Variants in NBPF15 observed in about 807,000 individuals in gnomAD.
NBPF15 encodes the protein NBPF member 15.
In NBPF15, 74 loss-of-function variants were observed where a neutral mutation model predicts 62.2. The ratio of observed to expected loss-of-function variants is 1.19; its 90% confidence interval spans 0.99 to 1.44. The LOEUF (loss-of-function observed/expected upper bound fraction) is 1.44, where lower values mean the gene tolerates loss of function less well. NBPF15 is among the 40% of genes most tolerant of loss of function. The pLI is 0.00. For synonymous variants in NBPF15, 244 were observed against 209.7 expected (o/e 1.16, Z -1.41); for missense variants, 790 against 550.0 (o/e 1.44, Z -4.36).
intron 13 of NBPF15, among the ~76,000 whole-genome samples, chr1:144,432,125 C>T (rs1240911274): frequency 1.3e-5 from 2 of 152,020 alleles, no homozygotes; most frequent in African/African-American, 4.8e-5. Flanking sequence ...TAAAAGTGTT[C>T]CTATTTCTCC....
chr1:144,430,690 GC>G (rs1456953584), intron 13 of NBPF15, among the ~76,000 whole-genome samples: 1 of 150,544 alleles, frequency 6.6e-6, no homozygotes, highest in Non-Finnish European at 1.5e-5. Flanking sequence ...GCAGCTCCTC[GC>G]CAGCAATGGA....
intron 14 of NBPF15, 65 bp from the exon 15 acceptor site, chr1:144,428,722 C>T (rs1671865909): frequency 1.3e-6 from 1 of 747,374 alleles, no homozygotes. Flanking sequence ...AGAAACATTC[C>T]TCTGTCCAAT....
rs1298950713 is a variant in NBPF15 at position 144,439,949 on chromosome 1, C to A, written c.55G>T (p.Glu19Ter). ...TGGGGGCGCAATTTCTCATTGATTT[C>A]TAGAATGTTCATCTCTGCCTTCTCG... is the stretch of plus-strand genomic sequence containing the variant. ...SSEKAEMNIL[E>*]INEKLRPQLA... The change falls in exon 8 of 22, where the codon GAA becomes TAA. Residue 19 changes from glutamate to a stop codon, truncating the protein, a stop_gained. Transcript: ENST00000581897. LOFTEE classifies it high-confidence loss of function. 54 of 1,610,850 alleles carry A rather than the reference C, an allele frequency of 3.4e-5. No individual in the cohort carries two copies. The highest frequency in any genetic ancestry group is 4.5e-5 in the Non-Finnish European group (53 of 1,178,754).
At chr1:144,459,648 C>A (rs1157286227) in intron 2 of NBPF15, among the ~76,000 whole-genome samples, 165 bp from the exon 3 acceptor site, 1 of 151,730 alleles carries the variant, frequency 6.6e-6, no homozygotes, top group Admixed American at 6.6e-5. Context: ...AACAGAAAAA[C>A]AAGCATATCA....
At chr1:144,452,376 G>T (rs1691744239) in intron 4 of NBPF15, among the ~76,000 whole-genome samples, 1 of 151,866 alleles carries the variant, frequency 6.6e-6, no homozygotes, top group Non-Finnish European at 1.5e-5. Context: ...TCCCTAGAAT[G>T]CAATCTCTTC....
At chr1:144,445,178 T>G (rs1368085173) in intron 6 of NBPF15, among the ~76,000 whole-genome samples, 10 of 150,738 alleles carry the variant, frequency 6.6e-5, no homozygotes, top group Admixed American at 1.3e-4. Context: ...AAGTATCTAT[T>G]CAAGTCTTTT....
rs1172158112 is a variant in NBPF15, at chr1:144,427,101, G to A, written c.1214-3C>T. On this transcript the variant is annotated splice_region_variant and splice_polypyrimidine_tract_variant and intron_variant, in intron 16 of 21. Transcript: ENST00000581897. ...CACTTCTTGGTACTTTTCAATTTCT[G>A]CAATAAGTTCAGACATGGACAGACA... The A allele has an allele frequency of 1.1e-5, 6 of 568,924 alleles. 1 individual carries two copies. The East Asian group carries it at 1.7e-4, about 16-fold the overall frequency. The allele number at this position is 568,924 out of a possible 1,614,324, so 35.2% of individuals were successfully genotyped here. A position where few individuals can be genotyped will look rare whatever the true frequency, so the allele number is the denominator to read the frequency against.
chr1:144,428,802 T>A (rs1246429516), intron 14 of NBPF15, 145 bp from the exon 15 acceptor site: 2 of 611,198 alleles, frequency 3.3e-6, no homozygotes, highest in East Asian at 5.5e-5. Flanking sequence ...CCAGTAGGCC[T>A]GAGGTCAAGT....
At chr1:144,451,359 T>C (rs587641212) in intron 4 of NBPF15, among the ~76,000 whole-genome samples, 10 of 151,050 alleles carry the variant, frequency 6.6e-5, no homozygotes, top group South Asian at 2.1e-4. Context: ...TGCCCAGGGA[T>C]GAGCAGGAGA....
Position 144,448,432 on chromosome 1 carries a change from C to T in NBPF15, c.-191+343G>A, listed in dbSNP as rs587768943. 3.1e-3 allele frequency among the ~76,000 whole-genome samples: 465 copies of T among 152,082 alleles called. 4 individuals are homozygous for T. Among genetic ancestry groups the T allele is most frequent in the African/African-American group, 0.011 (445 of 41,480 alleles). ...AATTCTATGACTATCTGTTTCATGG[C>T]CACCTGTTTGCTCATTTTCTATGTA... On this transcript the variant is annotated intron_variant, in intron 6 of 21. Coordinates refer to ENST00000581897, the MANE Select transcript of NBPF15 (RefSeq NM_001385408.1).
chr1:144,429,441 C>T (rs1277240474), intron 14 of NBPF15, among the ~76,000 whole-genome samples: 2 of 151,298 alleles, frequency 1.3e-5, no homozygotes, highest in African/African-American at 2.4e-5. Flanking sequence ...GCCACACCTG[C>T]CTTGAGTTCA....
intron 18 of NBPF15, 150 bp downstream of exon 18, chr1:144,426,128 A>T (rs1321457952): frequency 4.2e-5 from 26 of 622,782 alleles, no homozygotes; most frequent in African/African-American, 4.1e-4. Context: ...TCCAACTGAG[A>T]CTACAGTTTC....
At chr1:144,434,677 A>G (rs1261985561) in intron 12 of NBPF15, among the ~76,000 whole-genome samples, 3 of 151,186 alleles carry the variant, frequency 2.0e-5, no homozygotes, top group African/African-American at 7.4e-5. Flanking sequence ...AAGCTGACTT[A>G]AAGGAGATCC....
intron 21 of NBPF15, among the ~76,000 whole-genome samples, chr1:144,423,639 C>T (rs1667388468): frequency 6.6e-6 from 1 of 151,952 alleles, no homozygotes; most frequent in Admixed American, 6.6e-5. Context: ...GATGCAGTGG[C>T]CATCAGAGTA....
chr1:144,455,883 T>C (rs1647236104), intron 4 of NBPF15, among the ~76,000 whole-genome samples: 1 of 151,918 alleles, frequency 6.6e-6, no homozygotes, highest in South Asian at 2.1e-4. Context: ...CCATGAATGC[T>C]CAGTGAAAGA....
intron 12 of NBPF15, among the ~76,000 whole-genome samples, chr1:144,434,904 C>G (rs1470971356): frequency 2.0e-5 from 3 of 151,988 alleles, no homozygotes. Flanking sequence ...GATTGTCACA[C>G]TTGCCTGGGG....
rs149024200 is a variant in NBPF15 at position 144,452,218 on chromosome 1, T to A, written c.-431-1348A>T. Among the ~76,000 whole-genome samples, 902 of 152,124 alleles carry A rather than the reference T, an allele frequency of 5.9e-3. 9 individuals carry two copies. The highest frequency in any genetic ancestry group is 0.021 in the African/African-American group (857 of 41,490). The stretch of plus-strand genomic sequence containing the variant: ...TCAAATATTATTATGTGAAAATGTA[T>A]CATCTCAATTTTAATAGTAGATTTT... On this transcript the variant is annotated intron_variant, in intron 4 of 21. Transcript: ENST00000581897.
intron 6 of NBPF15, among the ~76,000 whole-genome samples, chr1:144,444,280 AAAG>A (rs1315065384): frequency 6.0e-5 from 9 of 149,722 alleles, no homozygotes; most frequent in Admixed American, 5.9e-4. Context: ...AAAAAAAAAA[AAAG>A]AAGCCAGTGC....
chr1:144,429,279 G>T lies in NBPF15; in HGVS notation c.988+421C>A, dbSNP rs1297935134. On this transcript the variant is annotated intron_variant, in intron 14 of 21. Coordinates refer to ENST00000581897, the MANE Select transcript of NBPF15 (RefSeq NM_001385408.1). ...CTTTCACTGAGAAGTAGACAAGGGT[G>T]ACACTGGCCTTGGGCAGGTAAAGAA... 4.0e-5 allele frequency among the ~76,000 whole-genome samples: 6 copies of T among 148,992 alleles called. 1 individual carries two copies. The highest frequency in any genetic ancestry group is 1.6e-4 in the African/African-American group (6 of 38,504).
Sources: gnomAD v4.1 joint callset for allele counts (sites outside exome capture counted in the v4.1 genomes callset) on GRCh38, gnomAD v4.1.1 for gene constraint, MANE v1.5 for transcripts, NCBI Gene and HGNC (gene_info 2026-07-23, HGNC 2026-07-21) for gene names.